Variants in CCR3 observed in about 807,000 individuals in gnomAD.
The protein encoded by CCR3 is C-C motif chemokine receptor 3.
For synonymous variants in CCR3, 203 were observed against 179.2 expected, an observed-to-expected ratio of 1.13 and a Z score of -1.06; for missense variants, 419 against 437.5, an observed-to-expected ratio of 0.96 and a Z score of 0.38.
intron 1 of CCR3, among the ~76,000 whole-genome samples, chr3:46,258,339 G>T (rs928795263): frequency 6.6e-6 from 1 of 152,216 alleles, no homozygotes; most frequent in South Asian, 2.1e-4. Context: ...CAACTACGGT[G>T]TGTACAACCA....
chr3:46,239,265 T>C (rs1221803639), upstream of CCR3, among the ~76,000 whole-genome samples: 2 of 152,374 alleles, frequency 1.3e-5, no homozygotes, highest in East Asian at 3.9e-4. Flanking sequence ...CTATTAAAAA[T>C]CTTATGCATG....
intron 2 of CCR3, among the ~76,000 whole-genome samples, chr3:46,235,824 T>G (rs79270204): frequency 7.2e-5 from 11 of 152,226 alleles, no homozygotes; most frequent in Non-Finnish European, 1.6e-4. Flanking sequence ...GCTGTCTTGC[T>G]GTCATTTGTG....
At chr3:46,243,566 C>T (rs538511886) in intron 1 of CCR3, among the ~76,000 whole-genome samples, 5 of 151,944 alleles carry the variant, frequency 3.3e-5, no homozygotes, top group African/African-American at 4.8e-5. Context: ...TCTGGAAACG[C>T]CTGGATTGAC....
At chr3:46,245,522 CA>C (rs1028539384) in intron 1 of CCR3, among the ~76,000 whole-genome samples, 2 of 150,832 alleles carry the variant, frequency 1.3e-5, no homozygotes, top group African/African-American at 4.9e-5. Context: ...CAAAACAAAA[CA>C]AAACCTAAAA....
intron 2 of CCR3, among the ~76,000 whole-genome samples, chr3:46,231,221 C>T (rs1013453189): frequency 2.6e-5 from 4 of 152,172 alleles, no homozygotes; most frequent in African/African-American, 4.8e-5. Context: ...CTGTGCCAGG[C>T]CCAGATTTTG....
intron 1 of CCR3, among the ~76,000 whole-genome samples, chr3:46,254,849 G>A (rs1700387302): frequency 6.6e-6 from 1 of 152,058 alleles, no homozygotes; most frequent in Non-Finnish European, 1.5e-5. Flanking sequence ...GTATACCATG[G>A]TGTTGCTATA....
Position 46,265,543 on chromosome 3 carries a change from A to G in CCR3, c.385A>G (p.Ile129Val), listed in dbSNP as rs942846059. Residue 129 changes from isoleucine (I) to valine (V), a missense_variant, in exon 2 of 2, where the codon ATC becomes GTC. Transcript: ENST00000395940. ...SEIFFIILLT[I>V]DRYLAIVHAV... Reference sequence around the variant, plus strand: ...GATCTTTTTCATAATCCTGCTGACAATCGACAGGTACCTGGCCATTGTCCA... The same window carrying G: ...GATCTTTTTCATAATCCTGCTGACAGTCGACAGGTACCTGGCCATTGTCCA... 4 of 1,613,940 alleles carry G rather than the reference A, an allele frequency of 2.5e-6. No homozygotes were observed. In the African/African-American group the frequency reaches 4.0e-5, roughly 16 times the overall value.
At chr3:46,264,515 A>G (rs1700582062) in intron 1 of CCR3, 2 of 1,037,208 alleles carry the variant, frequency 1.9e-6, no homozygotes, top group East Asian at 2.7e-5. Context: ...ATCTAGTGAC[A>G]GGAGAAATGG....
chr3:46,239,375 GT>G (rs1420852290), upstream of CCR3, among the ~76,000 whole-genome samples: 1 of 152,196 alleles, frequency 6.6e-6, no homozygotes, highest in East Asian at 1.9e-4. Context: ...CTTTGTTATA[GT>G]TTTAACTCTG....
chr3:46,250,024 A>T (rs976941037), intron 1 of CCR3, among the ~76,000 whole-genome samples: 13 of 151,878 alleles, frequency 8.6e-5, no homozygotes, highest in African/African-American at 2.7e-4. Flanking sequence ...TGGCCTTTTG[A>T]CCTTTTAGGG....
At position 46,243,043 on chromosome 3, in the gene CCR3, C is replaced by T. The variant is rs148900419; in HGVS notation, c.-12+505C>T. ...CATTTTTATATATACAAAGTCCTCC[C>T]TCAGTATCTGTGAGGGATTTGTTCC... On this transcript the variant is annotated intron_variant, in intron 1 of 1. Coordinates refer to ENST00000395940, the MANE Select transcript of CCR3 (RefSeq NM_178329.3). 2.5e-4 allele frequency among the ~76,000 whole-genome samples: 26 copies of T among 103,970 alleles called. 1 individual carries two copies. In the Middle Eastern group the frequency reaches 0.015, roughly 60 times the overall value. The allele number at this position is 103,970 out of a possible 152,430, so 68.2% of individuals were successfully genotyped here. A position where few individuals can be genotyped will look rare whatever the true frequency, so the allele number is the denominator to read the frequency against.
intron 2 of CCR3, among the ~76,000 whole-genome samples, chr3:46,227,388 T>C (rs1699913501): frequency 6.6e-6 from 1 of 152,222 alleles, no homozygotes; most frequent in Non-Finnish European, 1.5e-5. Context: ...TTCTCTTGTA[T>C]GTCTTGCTAG....
At chr3:46,240,254 TA>T (rs1174903024), upstream of CCR3, among the ~76,000 whole-genome samples, 3 of 152,204 alleles carry the variant, frequency 2.0e-5, no homozygotes, top group East Asian at 5.8e-4. Flanking sequence ...TGTGTCACCC[TA>T]ACAGATGTAT....
At chr3:46,240,351 A>G (rs897917376), upstream of CCR3, among the ~76,000 whole-genome samples, 11 of 152,170 alleles carry the variant, frequency 7.2e-5, no homozygotes, top group African/African-American at 2.4e-4. Flanking sequence ...GGATGCAAGC[A>G]TATCTGTTCC....
At chr3:46,256,231 G>T (rs1223929489) in intron 1 of CCR3, among the ~76,000 whole-genome samples, 1 of 152,080 alleles carries the variant, frequency 6.6e-6, no homozygotes, top group African/African-American at 2.4e-5. Flanking sequence ...TGCTGACAAT[G>T]ACATAAACTT....
At position 46,215,619 on chromosome 3, in the gene CCR3, G is replaced by A. The variant is rs375172043; in HGVS notation, c.-68+4712G>A. Among the ~76,000 whole-genome samples, 171 of 152,306 alleles carry A rather than the reference G, an allele frequency of 1.1e-3. 3 individuals are homozygous for A. The South Asian group carries it at 0.034, about 31-fold the overall frequency. On this transcript the variant is annotated intron_variant, in intron 2 of 3. Coordinates refer to the CCR3 transcript ENST00000357422. ...GCACACGACAGTGTGAGACACCCTG[G>A]TCTAGAGGATCACGTTCTAGTGGGA...
chr3:46,242,244 A>C (rs1700096606), upstream of CCR3: 1 of 152,204 alleles, frequency 6.6e-6, no homozygotes, highest in Admixed American at 6.5e-5. Context: ...GTGACTGGTT[A>C]GTATGTGGTG....
At chr3:46,258,376 T>A (rs1395317326) in intron 1 of CCR3, among the ~76,000 whole-genome samples, 1 of 152,228 alleles carries the variant, frequency 6.6e-6, no homozygotes, top group African/African-American at 2.4e-5. Context: ...TCCCCAGAAT[T>A]CAGCTTTCAG....
chr3:46,226,849 A>G (rs901561557), intron 2 of CCR3, among the ~76,000 whole-genome samples: 29 of 146,882 alleles, frequency 2.0e-4, no homozygotes, highest in Non-Finnish European at 3.8e-4. Context: ...TTTACCATGA[A>G]TAGGTGAAAT....
Sources: gnomAD v4.1 joint callset for allele counts (sites outside exome capture counted in the v4.1 genomes callset) on GRCh38, gnomAD v4.1.1 for gene constraint, MANE v1.5 for transcripts, NCBI Gene and HGNC (gene_info 2026-07-23, HGNC 2026-07-21) for gene names.